The following TTC6 variants were observed in gnomAD, a reference collection of about 807,000 sequenced individuals.
TTC6 encodes tetratricopeptide repeat domain 6, also known as tetratricopeptide repeat protein 6.
Under a neutral mutation model 210.4 loss-of-function variants are expected in TTC6, and 172 were observed. The observed-to-expected ratio is 0.82, with a 90% confidence interval of 0.72 to 0.93. The LOEUF (loss-of-function observed/expected upper bound fraction) is 0.93. Ranked by LOEUF, TTC6 falls within the 40% of genes least tolerant of loss-of-function variation. The pLI is 0.00. For synonymous variants in TTC6, 804 were observed against 819.6 expected, an observed-to-expected ratio of 0.98 and a Z score of 0.32; for missense variants, 2,414 against 2,318.1, an observed-to-expected ratio of 1.04 and a Z score of -0.85.
intron 10 of TTC6, among the ~76,000 whole-genome samples, chr14:37,745,009 CACA>C (rs1566926422): frequency 7.2e-5 from 11 of 152,024 alleles, no homozygotes; most frequent in South Asian, 4.1e-4. Context: ...CACACACACA[CACA>C]CACCCACACA....
At chr14:37,830,223 G>A (rs552043153) in intron 29 of TTC6, among the ~76,000 whole-genome samples, 27 of 152,086 alleles carry the variant, frequency 1.8e-4, no homozygotes, top group Non-Finnish European at 2.8e-4. Flanking sequence ...GATGCAAAAC[G>A]GATTTTCTTT....
chr14:37,687,740 T>G (rs1340999481), intron 3 of TTC6, among the ~76,000 whole-genome samples: 1 of 151,986 alleles, frequency 6.6e-6, no homozygotes, highest in Non-Finnish European at 1.5e-5. Flanking sequence ...AAGGACCCAG[T>G]TGTGGTAAGA....
chr14:37,836,294 T>C (rs1205804799), intron 29 of TTC6, among the ~76,000 whole-genome samples: 2 of 152,196 alleles, frequency 1.3e-5, no homozygotes, highest in Admixed American at 1.3e-4. Context: ...CAAAGATCAA[T>C]TGTCTCTAAC....
chr14:37,798,748 A>G (rs1218240873), intron 20 of TTC6, among the ~76,000 whole-genome samples: 1 of 152,124 alleles, frequency 6.6e-6, no homozygotes. Context: ...ATTTAAACAA[A>G]ATAAAGATTA....
Position 37,657,212 on chromosome 14 carries a change from C to CAAAAAA in TTC6, c.940-22917_940-22912dup, listed in dbSNP as rs61052302. Among the ~76,000 whole-genome samples the CAAAAAA allele has an allele frequency of 2.8e-3, 101 of 35,644 alleles. 11 individuals are homozygous for CAAAAAA. The highest frequency in any genetic ancestry group is 5.5e-3 in the South Asian group (4 of 726). The allele number at this position is 35,644 out of a possible 152,430, so 23.4% of individuals were successfully genotyped here. The stretch of plus-strand genomic sequence containing the variant: ...GGGCAACATGAGCGAAACTCTGTCT[C>CAAAAAA]AAAAAAAAAAAAAAAAAAAAAAAAA... On this transcript the variant is annotated intron_variant, in intron 1 of 30. Transcript: ENST00000553443.
chr14:37,752,708 A>G (rs2095955944), intron 13 of TTC6, among the ~76,000 whole-genome samples: 1 of 152,100 alleles, frequency 6.6e-6, no homozygotes, highest in Non-Finnish European at 1.5e-5. Context: ...CTAGATTAAT[A>G]TATATTTTAT....
chr14:37,804,723 A>G, exon 21 of TTC6: 1 of 1,614,150 alleles, frequency 6.2e-7, no homozygotes, highest in Non-Finnish European at 8.5e-7. Flanking sequence ...GCCATTTCTC[A>G]TTCTGATAAA....
intron 2 of TTC6, among the ~76,000 whole-genome samples, chr14:37,612,837 A>G (rs2095636804): frequency 6.6e-6 from 1 of 152,160 alleles, no homozygotes. Flanking sequence ...TTAACTGTGT[A>G]TTGTGCAACC....
At position 37,622,092 on chromosome 14, in the gene TTC6, CT is replaced by C; in HGVS notation, c.29del (p.Leu10ArgfsTer37). 2 of 1,532,582 alleles carry C rather than the reference CT, an allele frequency of 1.3e-6. No individual in the cohort carries two copies. Among genetic ancestry groups the C allele is most frequent in the Non-Finnish European group, 1.7e-6 (2 of 1,145,120 alleles). The allele number at this position is 1,532,582 out of a possible 1,614,324, so 94.9% of individuals were successfully genotyped here. On this transcript the variant is annotated frameshift_variant, in exon 1 of 31. Coordinates refer to ENST00000553443, the Ensembl canonical transcript of TTC6. LOFTEE classifies it high-confidence loss of function. The stretch of plus-strand genomic sequence containing the variant: ...GTCCACAATCCCGAGACACTTTGGC[CT>C]GAAATACAAAGAGGAATCGTATATG...
intron 5 of TTC6, among the ~76,000 whole-genome samples, chr14:37,707,355 C>T (rs1478283729): frequency 6.6e-6 from 1 of 151,896 alleles, no homozygotes; most frequent in East Asian, 1.9e-4. Flanking sequence ...TTCTATTCTA[C>T]TTATTTTGTG....
chr14:37,760,950 C>G (rs1377436975), intron 14 of TTC6, among the ~76,000 whole-genome samples: 1 of 152,182 alleles, frequency 6.6e-6, no homozygotes, highest in Non-Finnish European at 1.5e-5. Flanking sequence ...GCTTGCTGGG[C>G]TCCATGGGAG....
At chr14:37,611,776 G>C (rs1273249801) in intron 2 of TTC6, among the ~76,000 whole-genome samples, 2 of 152,280 alleles carry the variant, frequency 1.3e-5, no homozygotes, top group South Asian at 4.1e-4. Flanking sequence ...AGGGCAGCTT[G>C]TTTTGAGTAA....
chr14:37,640,713 T>C (rs974950450), intron 1 of TTC6, among the ~76,000 whole-genome samples: 1 of 152,176 alleles, frequency 6.6e-6, no homozygotes, highest in Non-Finnish European at 1.5e-5. Flanking sequence ...TGGCTAATTT[T>C]TGTATTTTTC....
At chr14:37,717,231 T>C (rs2095854271) in intron 6 of TTC6, among the ~76,000 whole-genome samples, 1 of 149,308 alleles carries the variant, frequency 6.7e-6, no homozygotes, top group African/African-American at 2.5e-5. Context: ...TCAATGAAAT[T>C]GAAAACAGAA....
chr14:37,772,109 G>A (rs1260076296), intron 14 of TTC6, among the ~76,000 whole-genome samples: 1 of 152,156 alleles, frequency 6.6e-6, no homozygotes, highest in Non-Finnish European at 1.5e-5. Flanking sequence ...TCCCAGTTAG[G>A]CTGCTCGGGG....
chr14:37,783,671 AG>A (rs1411596111), intron 14 of TTC6, among the ~76,000 whole-genome samples: 3 of 152,030 alleles, frequency 2.0e-5, no homozygotes, highest in Non-Finnish European at 2.9e-5. Context: ...GCCTTCTGCT[AG>A]CTTTTGAATG....
chr14:37,831,697 G>T (rs1174558809), intron 29 of TTC6, among the ~76,000 whole-genome samples: 1 of 151,852 alleles, frequency 6.6e-6, no homozygotes, highest in Non-Finnish European at 1.5e-5. Flanking sequence ...TTCTCTGATG[G>T]TTAGTGATGT....
intron 3 of TTC6, among the ~76,000 whole-genome samples, chr14:37,690,699 G>T (rs1391654966): frequency 3.3e-5 from 5 of 152,104 alleles, no homozygotes; most frequent in Non-Finnish European, 5.9e-5. Context: ...CATTATATAT[G>T]CACCCAACAC....
chr14:37,810,322 G>T lies in TTC6; in HGVS notation c.4569+1476G>T, dbSNP rs554829208. Among the ~76,000 whole-genome samples, 55 of 152,310 alleles carry T rather than the reference G, an allele frequency of 3.6e-4. No individual in the cohort carries two copies. In the South Asian group the frequency reaches 0.011, roughly 31 times the overall value. On this transcript the variant is annotated intron_variant, in intron 24 of 30. Transcript: ENST00000553443. ...AGGAAAACAATGGGCTGGGCGAGGA[G>T]GGAACACCCATTGTATTGTTATCTC...
Sources: gnomAD v4.1 joint callset for allele counts (sites outside exome capture counted in the v4.1 genomes callset) on GRCh38, gnomAD v4.1.1 for gene constraint, MANE v1.5 for transcripts, NCBI Gene and HGNC (gene_info 2026-07-23, HGNC 2026-07-21) for gene names.